Variants in ACTN2 observed in about 807,000 individuals in gnomAD.
The protein encoded by ACTN2 is alpha-actinin-2.
A neutral mutation model predicts 113.8 loss-of-function variants in ACTN2; 39 were observed. That is an observed-to-expected ratio of 0.34 (90% CI 0.27 to 0.45). The LOEUF is 0.45. Ranked by LOEUF, ACTN2 falls within the 20% of genes least tolerant of loss-of-function variation. ACTN2 has a pLI of 1.00. For synonymous variants in ACTN2, 429 were observed against 444.1 expected (o/e 0.97, Z 0.43); for missense variants, 992 against 1,177.9 (o/e 0.84, Z 2.31).
At chr1:236,757,913 A>T (rs1030157047) in intron 18 of ACTN2, among the ~76,000 whole-genome samples, 1 of 152,232 alleles carries the variant, frequency 6.6e-6, no homozygotes, top group Non-Finnish European at 1.5e-5. Flanking sequence ...GTCAAAGTGT[A>T]TTCTTCACAA....
intron 11 of ACTN2, among the ~76,000 whole-genome samples, chr1:236,743,855 AAT>A (rs1483278230): frequency 6.6e-6 from 1 of 152,172 alleles, no homozygotes; most frequent in Non-Finnish European, 1.5e-5. Flanking sequence ...TCCTCTTCGA[AAT>A]GGGAATCACC....
chr1:236,746,826 A>G (rs1258133747), intron 12 of ACTN2, among the ~76,000 whole-genome samples: 1 of 152,098 alleles, frequency 6.6e-6, no homozygotes, highest in Non-Finnish European at 1.5e-5. Context: ...CTTGCTTGTC[A>G]CTCTAGTGGC....
chr1:236,693,056 G>A lies in ACTN2; in HGVS notation c.126+6257G>A, dbSNP rs531257307. Among the ~76,000 whole-genome samples, 8 of 152,194 alleles carry A rather than the reference G, an allele frequency of 5.3e-5. No homozygotes were observed. In the South Asian group the frequency reaches 1.2e-3, roughly 24 times the overall value. ...AGAAAGAACAGAAAGCAGAGATTGG[G>A]GGAGACGCTTGCAAACTACTATGCT... is the stretch of plus-strand genomic sequence containing the variant. On this transcript the variant is annotated intron_variant, in intron 1 of 20. Coordinates refer to ENST00000366578, the MANE Select transcript of ACTN2 (RefSeq NM_001103.4).
At chr1:236,692,965 A>G (rs901458934) in intron 1 of ACTN2, among the ~76,000 whole-genome samples, 4 of 152,146 alleles carry the variant, frequency 2.6e-5, no homozygotes, top group African/African-American at 4.8e-5. Flanking sequence ...AGGAGTTCAC[A>G]CGGAATGCGT....
intron 20 of ACTN2, among the ~76,000 whole-genome samples, chr1:236,761,579 C>A (rs1472001335): frequency 6.6e-6 from 1 of 152,114 alleles, no homozygotes; most frequent in South Asian, 2.1e-4. Flanking sequence ...GGATCAATGA[C>A]CCTGACTTTG....
intron 1 of ACTN2, among the ~76,000 whole-genome samples, chr1:236,690,780 AT>A (rs1284402285): frequency 1.3e-5 from 2 of 152,166 alleles, no homozygotes; most frequent in African/African-American, 2.4e-5. Flanking sequence ...AAAATGTATC[AT>A]TTTAATCATA....
chr1:236,719,151 G>A lies in ACTN2; in HGVS notation c.361+138G>A, dbSNP rs140092735. On this transcript the variant is annotated intron_variant, in intron 3 of 20. Transcript: ENST00000366578. ...CTTGTATCAGGCTCTCTCTTAGGGC[G>A]CTCGGTGCACAAAGATAAGAACAAA... The A allele has an allele frequency of 3.3e-4, 393 of 1,187,180 alleles. 2 individuals are homozygous for A. In the African/African-American group the frequency reaches 4.6e-3, roughly 14 times the overall value. The allele number at this position is 1,187,180 out of a possible 1,614,324, so 73.5% of individuals were successfully genotyped here.
intron 1 of ACTN2, among the ~76,000 whole-genome samples, chr1:236,698,220 G>A (rs1657574768): frequency 1.7e-4 from 4 of 23,908 alleles, no homozygotes; most frequent in South Asian, 5.3e-3. Flanking sequence ...TTTGTAAGAT[G>A]CCTTAAAAAA....
At chr1:236,717,242 G>A (rs1316439018) in intron 1 of ACTN2, among the ~76,000 whole-genome samples, 1 of 151,984 alleles carries the variant, frequency 6.6e-6, no homozygotes, top group Non-Finnish European at 1.5e-5. Context: ...CTAGGAGTTT[G>A]AGACCAGCCT....
rs1658336085 is a variant in ACTN2 at position 236,719,972 on chromosome 1, T to C, written c.362-133T>C. ...ATAACCAGACATACTGCGGTGCTTA[T>C]AAAAACATAAACTGGTCTTTCCATC... On this transcript the variant is annotated intron_variant, in intron 3 of 20. Transcript: ENST00000366578. 6 of 693,448 alleles carry C rather than the reference T, an allele frequency of 8.7e-6. No individual in the cohort carries two copies. In the South Asian group the frequency reaches 9.7e-5, roughly 11 times the overall value. 43.0% of individuals were successfully genotyped at this position (693,448 alleles called of 1,614,324 possible).
At chr1:236,717,166 G>A (rs1250383616) in intron 1 of ACTN2, among the ~76,000 whole-genome samples, 1 of 151,748 alleles carries the variant, frequency 6.6e-6, no homozygotes, top group East Asian at 2.0e-4. Context: ...TATTTAGACT[G>A]GGCATGGTGG....
rs200248944 is a variant in ACTN2, at chr1:236,747,744, C to T, written c.1484C>T (p.Thr495Met). Reference protein sequence around the residue: ...KICDQWDRLGTLTQKRREALE... With the variant: ...KICDQWDRLGMLTQKRREALE... The stretch of plus-strand genomic sequence containing the variant: ...TGTGACCAGTGGGACCGACTGGGAA[C>T]GCTTACTCAGAAGAGGAGAGAAGCC... Residue 495 changes from threonine (T) to methionine (M), a missense_variant, in exon 13 of 21, where the codon ACG becomes ATG. Transcript: ENST00000366578. The T allele has an allele frequency of 4.3e-4, 701 of 1,613,916 alleles. 1 individual carries two copies. Among genetic ancestry groups the T allele is most frequent in the Non-Finnish European group, 5.5e-4 (654 of 1,179,966 alleles).
intron 11 of ACTN2, 120 bp from the exon 12 acceptor site, chr1:236,744,506 C>T (rs1659165801): frequency 2.5e-6 from 3 of 1,223,136 alleles, no homozygotes; most frequent in Middle Eastern, 2.7e-4. Context: ...TTCAGTCCTG[C>T]CCCTCTCTGT....
At chr1:236,734,489 T>C (rs1229519491) in intron 7 of ACTN2, 26 of 1,535,790 alleles carry the variant, frequency 1.7e-5, no homozygotes, top group Non-Finnish European at 2.3e-5. Flanking sequence ...TGTTTCCTGT[T>C]ACTATCATGC....
chr1:236,749,038 A>T, intron 13 of ACTN2, 86 bp from the exon 14 acceptor site: 1 of 1,393,016 alleles, frequency 7.2e-7, no homozygotes, highest in Non-Finnish European at 1.0e-6. Flanking sequence ...ATCAGAGAAT[A>T]GTCTGTTCTT....
At chr1:236,723,233 G>A (rs1658453365) in intron 4 of ACTN2, among the ~76,000 whole-genome samples, 1 of 152,144 alleles carries the variant, frequency 6.6e-6, no homozygotes, top group Non-Finnish European at 1.5e-5. Context: ...GCAAAGACAG[G>A]CAGAACAACT....
intron 1 of ACTN2, among the ~76,000 whole-genome samples, chr1:236,694,108 A>G (rs1657389231): frequency 6.6e-6 from 1 of 151,778 alleles, no homozygotes; most frequent in South Asian, 2.1e-4. Flanking sequence ...AGCAGGGGTC[A>G]CCTGATGCTC....
At chr1:236,757,460 T>C in intron 17 of ACTN2, 26 bp from the exon 18 acceptor site, 1 of 1,614,076 alleles carries the variant, frequency 6.2e-7, no homozygotes. Flanking sequence ...GACTTAGAAC[T>C]GATCTTTCCC....
chr1:236,709,242 A>G lies in ACTN2; in HGVS notation c.127-8616A>G, dbSNP rs1205838381. Among the ~76,000 whole-genome samples the G allele has an allele frequency of 4.6e-3, 409 of 88,454 alleles. 7 individuals carry two copies. The highest frequency in any genetic ancestry group is 0.013 in the African/African-American group (370 of 28,470). The allele number at this position is 88,454 out of a possible 152,430, so 58.0% of individuals were successfully genotyped here. On this transcript the variant is annotated intron_variant, in intron 1 of 20. Coordinates refer to ENST00000366578, the MANE Select transcript of ACTN2 (RefSeq NM_001103.4). Reference sequence around the variant, plus strand: ...ACTGTATATATATATATATATATATATATATATATATATACACACACACAC... The same window carrying G: ...ACTGTATATATATATATATATATATGTATATATATATATACACACACACAC...
Sources: allele counts gnomAD v4.1 joint callset (sites outside exome capture counted in the v4.1 genomes callset), GRCh38; gene constraint gnomAD v4.1.1; transcripts MANE v1.5; gene names NCBI Gene and HGNC (gene_info 2026-07-23, HGNC 2026-07-21).